CARD19: variants seen among roughly 807,000 people sequenced by gnomAD.
The protein encoded by CARD19 is caspase recruitment domain-containing protein 19.
CARD19 carries 25 observed loss-of-function variants against 24.1 expected under a neutral mutation model. The ratio of observed to expected loss-of-function variants is 1.04; its 90% CI spans 0.76 to 1.45. The LOEUF is 1.45. CARD19 is among the 40% of genes most tolerant of loss of function. CARD19 has a pLI of 0.00. For synonymous variants in CARD19, 103 were observed against 104.9 expected (o/e 0.98, Z 0.11); for missense variants, 241 against 247.4 (o/e 0.97, Z 0.17).
At chr9:93,111,588 C>T (rs898153754) in intron 3 of CARD19, 166 of 1,274,604 alleles carry the variant, frequency 1.3e-4, no homozygotes, top group Non-Finnish European at 1.6e-4. Flanking sequence ...TCCCCAGCCA[C>T]GAGTATGCCA....
intron 3 of CARD19, chr9:93,111,237 G>T (rs1197704044): frequency 8.5e-7 from 1 of 1,176,900 alleles, no homozygotes; most frequent in East Asian, 6.2e-5. Context: ...TCAGTTTTGA[G>T]GCTCCTGTCC....
chr9:93,110,092 C>T (rs941381602), intron 2 of CARD19: 2 of 162,992 alleles, frequency 1.2e-5, no homozygotes, highest in African/African-American at 4.8e-5. Context: ...CTCCCGGGTT[C>T]ACACCATTCT....
intron 1 of CARD19, among the ~76,000 whole-genome samples, chr9:93,106,998 GA>G (rs35142213): frequency 8.2e-4 from 123 of 149,152 alleles, no homozygotes; most frequent in African/African-American, 2.9e-3. Flanking sequence ...GGTGATTCTG[GA>G]AAAAAAAAAG....
chr9:93,110,754 G>T, intron 3 of CARD19, 33 bp downstream of exon 3: 2 of 1,593,130 alleles, frequency 1.3e-6, no homozygotes, highest in Non-Finnish European at 1.7e-6. Flanking sequence ...TGCATGCTTG[G>T]TGCTGGCCCG....
At position 93,111,322 on chromosome 9, in the gene CARD19, G is replaced by T. The variant is rs562105442; in HGVS notation, c.305-557G>T. 30 of 1,129,950 alleles carry T rather than the reference G, an allele frequency of 2.7e-5. No individual in the cohort carries two copies. The African/African-American group carries it at 4.6e-4, about 17-fold the overall frequency. The allele number at this position is 1,129,950 out of a possible 1,614,324, so 70.0% of individuals were successfully genotyped here. A position where few individuals can be genotyped will look rare whatever the true frequency, so the allele number is the denominator to read the frequency against. On this transcript the variant is annotated intron_variant, in intron 3 of 5. Coordinates refer to ENST00000375464, the MANE Select transcript of CARD19 (RefSeq NM_032310.5). ...TGGGCCCACAGAGCTGCTGGGATGT[G>T]GGGGGCATATCAAGTTGAAGATGGC... is the stretch of plus-strand genomic sequence containing the variant.
rs930463141 is a variant in CARD19 at position 93,107,552 on chromosome 9, C to G, written c.8-122C>G. The G allele has an allele frequency of 2.7e-6, 3 of 1,131,174 alleles. No individual in the cohort carries two copies. The East Asian group carries it at 7.4e-5, about 28-fold the overall frequency. 70.1% of individuals were successfully genotyped at this position (1,131,174 alleles called of 1,614,324 possible). Reference sequence around the variant, plus strand: ...TGGGATGGCTGTGATTCTGCAGGTTCACCCTCCTGGTGGGAACCCACCTTG... The same window carrying G: ...TGGGATGGCTGTGATTCTGCAGGTTGACCCTCCTGGTGGGAACCCACCTTG... On this transcript the variant is annotated intron_variant, in intron 1 of 5. Coordinates refer to ENST00000375464, the MANE Select transcript of CARD19 (RefSeq NM_032310.5).
At chr9:93,112,428 C>G (rs945342195) in intron 5 of CARD19, 139 bp downstream of exon 5, 2 of 694,546 alleles carry the variant, frequency 2.9e-6, no homozygotes, top group African/African-American at 3.5e-5. Flanking sequence ...GATGGTGTCA[C>G]CTCGCAGGGC....
chr9:93,112,418 G>A lies in CARD19; in HGVS notation c.436+129G>A. The A allele has an allele frequency of 6.7e-6, 5 of 746,566 alleles. No individual in the cohort carries two copies. In the South Asian group the frequency reaches 7.9e-5, roughly 12 times the overall value. 46.2% of individuals were successfully genotyped at this position (746,566 alleles called of 1,614,324 possible). A position where few individuals can be genotyped will look rare whatever the true frequency, so the allele number is the denominator to read the frequency against. On this transcript the variant is annotated intron_variant, in intron 5 of 5. Coordinates refer to ENST00000375464, the MANE Select transcript of CARD19 (RefSeq NM_032310.5). The stretch of plus-strand genomic sequence containing the variant: ...CTCGGTGTCCACACTTGTGCAGTGG[G>A]ATGGTGTCACCTCGCAGGGCTCCTG...
rs530694864 is a variant in CARD19, at chr9:93,110,977, G to A, written c.304+256G>A. On this transcript the variant is annotated intron_variant, in intron 3 of 5. Coordinates refer to ENST00000375464, the MANE Select transcript of CARD19 (RefSeq NM_032310.5). ...CTTCCTCCGTCTCTCTCTCATGGCA[G>A]TTTTCACACAGCATGGGGCATCTTA... 26 of 1,512,960 alleles carry A rather than the reference G, an allele frequency of 1.7e-5. No individual in the cohort carries two copies. The East Asian group carries it at 6.7e-4, about 39-fold the overall frequency. 93.7% of individuals were successfully genotyped at this position (1,512,960 alleles called of 1,614,324 possible).
Position 93,110,891 on chromosome 9 carries a change from G to C in CARD19, c.304+170G>C, listed in dbSNP as rs754438942. ...CCCAGAGGCCACCCTCTGGCCCCGAGGGGAGAGTGTGGCAGGCACAGGCAG... is the reference window on the plus strand; with the variant it reads ...CCCAGAGGCCACCCTCTGGCCCCGACGGGAGAGTGTGGCAGGCACAGGCAG... On this transcript the variant is annotated intron_variant, in intron 3 of 5. Coordinates refer to ENST00000375464, the MANE Select transcript of CARD19 (RefSeq NM_032310.5). 1.5e-5 allele frequency: 23 copies of C among 1,533,238 alleles called. No individual in the cohort carries two copies. The South Asian group carries it at 2.8e-4, about 18-fold the overall frequency. 95.0% of individuals were successfully genotyped at this position (1,533,238 alleles called of 1,614,324 possible).
At chr9:93,101,151 T>C (rs920256132) in intron 1 of CARD19, among the ~76,000 whole-genome samples, 12 of 151,194 alleles carry the variant, frequency 7.9e-5, no homozygotes, top group Admixed American at 7.9e-4. Flanking sequence ...GATCTTGGCT[T>C]AGTGCAACCT....
At position 93,107,823 on chromosome 9, in the gene CARD19, A is replaced by T; in HGVS notation, c.150+7A>T. The T allele has an allele frequency of 6.2e-7, 1 of 1,614,144 alleles. No homozygotes were observed. Among genetic ancestry groups the T allele is most frequent in the Non-Finnish European group, 8.5e-7 (1 of 1,180,018 alleles). ...CAACAAGGAGGCGGAAAAGGTGCTG[A>T]GGAGGTGAGGGGGGTACCCGAGACA... On this transcript the variant is annotated splice_region_variant and intron_variant, in intron 2 of 5. Transcript: ENST00000375464.
chr9:93,108,288 G>T (rs995678611), intron 2 of CARD19, among the ~76,000 whole-genome samples: 1 of 152,172 alleles, frequency 6.6e-6, no homozygotes, highest in Non-Finnish European at 1.5e-5. Context: ...ATCTTCCGAA[G>T]GTTCAAAGCG....
At chr9:93,110,537 G>A (rs1362604068) in intron 2 of CARD19, 31 bp from the exon 3 acceptor site, 6 of 1,564,438 alleles carry the variant, frequency 3.8e-6, no homozygotes, top group Non-Finnish European at 5.2e-6. Context: ...CCCCTGGCCT[G>A]ATCTTCCCTG....
chr9:93,113,084 G>T lies in CARD19; in HGVS notation c.529G>T (p.Ala177Ser). ...HVSRYLLAFL[A>S]DDLGGL ...CAGCCGCTACCTGCTGGCCTTCCTG[G>T]CAGATGACCTAGGGGGGCTCTGACA... The change falls in exon 6 of 6, where the codon GCA becomes TCA. Residue 177 changes from alanine (A) to serine (S), a missense_variant. Physicochemically the swap from Ala to Ser is moderately conservative, Grantham distance 99. Coordinates refer to ENST00000375464, the MANE Select transcript of CARD19 (RefSeq NM_032310.5). 6.3e-7 allele frequency: 1 copy of T among 1,587,482 alleles called. No homozygotes were observed. The highest frequency in any genetic ancestry group is 8.6e-7 in the Non-Finnish European group (1 of 1,165,678).
intron 1 of CARD19, among the ~76,000 whole-genome samples, chr9:93,099,630 C>A (rs1351157695): frequency 6.6e-6 from 1 of 152,210 alleles, no homozygotes; most frequent in African/African-American, 2.4e-5. Context: ...CATCTTAGTT[C>A]TTTAACGAGA....
intron 3 of CARD19, 152 bp downstream of exon 3, chr9:93,110,873 G>A: frequency 6.5e-7 from 1 of 1,533,166 alleles, no homozygotes; most frequent in Non-Finnish European, 8.7e-7. Context: ...CTCCCCAGAG[G>A]CCACCCTCTG....
intron 1 of CARD19, among the ~76,000 whole-genome samples, chr9:93,100,633 T>A (rs151194896): frequency 5.9e-5 from 9 of 152,322 alleles, no homozygotes; most frequent in South Asian, 2.1e-4. Context: ...ACACTCACAG[T>A]GTTGTGTAGT....
intron 1 of CARD19, among the ~76,000 whole-genome samples, chr9:93,100,153 G>A (rs1396352994): frequency 6.6e-6 from 1 of 152,200 alleles, no homozygotes; most frequent in African/African-American, 2.4e-5. Context: ...CTGCTTTTGG[G>A]GTGGGTCCAC....
Sources: gnomAD v4.1 joint callset for allele counts (sites outside exome capture counted in the v4.1 genomes callset) on GRCh38, gnomAD v4.1.1 for gene constraint, MANE v1.5 for transcripts, NCBI Gene and HGNC (gene_info 2026-07-23, HGNC 2026-07-21) for gene names.